ZFPM2: variants seen among roughly 807,000 people sequenced by gnomAD.
ZFPM2 encodes zinc finger protein, FOG family member 2, also known as zinc finger protein ZFPM2.
ZFPM2 carries 20 observed loss-of-function variants against 98.6 expected under a neutral mutation model. That is an observed-to-expected ratio of 0.20 (90% CI 0.14 to 0.29). The LOEUF (loss-of-function observed/expected upper bound fraction) is 0.29, where lower values mean the gene tolerates loss of function less well. Ranked by LOEUF, ZFPM2 falls within the 10% of genes least tolerant of loss-of-function variation. ZFPM2 has a pLI of 1.00. For missense variants in ZFPM2, 1,310 were observed against 1,388.6 expected (o/e 0.94, Z 0.90); for synonymous variants, 518 against 502.7 (o/e 1.03, Z -0.41).
At chr8:105,461,466 G>C (rs1812703722) in intron 3 of ZFPM2, among the ~76,000 whole-genome samples, 1 of 152,136 alleles carries the variant, frequency 6.6e-6, no homozygotes, top group East Asian at 1.9e-4. Flanking sequence ...TAGGCTCACT[G>C]ATAGTCATTT....
At chr8:105,483,589 C>CAAA (rs528417557) in intron 3 of ZFPM2, among the ~76,000 whole-genome samples, 1 of 109,112 alleles carries the variant, frequency 9.2e-6, no homozygotes, top group African/African-American at 3.3e-5. Flanking sequence ...GAGTCCATCT[C>CAAA]AAAAAAAAAA....
intron 5 of ZFPM2, among the ~76,000 whole-genome samples, chr8:105,663,299 A>C (rs1817427886): frequency 6.6e-6 from 1 of 152,202 alleles, no homozygotes; most frequent in African/African-American, 2.4e-5. Context: ...ATGAAAAATT[A>C]ACTTGTGATT....
intron 1 of ZFPM2, among the ~76,000 whole-genome samples, chr8:105,371,452 A>T (rs1810620462): frequency 2.0e-5 from 3 of 152,114 alleles, no homozygotes; most frequent in African/African-American, 7.2e-5. Flanking sequence ...AACAGAAGGG[A>T]TTTTAGGAAG....
At position 105,781,690 on chromosome 8, in the gene ZFPM2, CA is replaced by C. The variant is rs1813255400; in HGVS notation, c.533-7027del. On this transcript the variant is annotated intron_variant, in intron 5 of 7. Coordinates refer to ENST00000407775, the MANE Select transcript of ZFPM2 (RefSeq NM_012082.4). ...CTGAGCGGTGACTGCCACTGCACTC[CA>C]GCCTGGGTGACAGAGTGAGACCCTA... Among the ~76,000 whole-genome samples the C allele has an allele frequency of 2.0e-5, 3 of 152,088 alleles. No homozygotes were observed. The South Asian group carries it at 6.2e-4, about 32-fold the overall frequency.
chr8:105,746,654 AATT>A (rs375444917), intron 5 of ZFPM2, among the ~76,000 whole-genome samples: 38,870 of 111,566 alleles, frequency 0.35, 6,332 homozygotes, highest in African/African-American at 0.43. Context: ...TGTTTTTAAA[AATT>A]TTTTTTTTTT....
chr8:105,703,558 A>G (rs1194737989), intron 5 of ZFPM2, among the ~76,000 whole-genome samples: 1 of 152,086 alleles, frequency 6.6e-6, no homozygotes, highest in Non-Finnish European at 1.5e-5. Context: ...AATGGGCAGA[A>G]TCTCAGTGTT....
chr8:105,778,295 A>C (rs560443909), intron 5 of ZFPM2, among the ~76,000 whole-genome samples: 1 of 152,310 alleles, frequency 6.6e-6, no homozygotes, highest in East Asian at 1.9e-4. Context: ...TTAGCTTTTA[A>C]GGAATTTTTC....
At chr8:105,445,243 C>T (rs1812342235) in intron 3 of ZFPM2, among the ~76,000 whole-genome samples, 1 of 152,070 alleles carries the variant, frequency 6.6e-6, no homozygotes, top group Non-Finnish European at 1.5e-5. Flanking sequence ...CTGAAACCAG[C>T]AGCTGGAAAA....
chr8:105,714,103 T>C (rs1350658267), intron 5 of ZFPM2, among the ~76,000 whole-genome samples: 1 of 152,126 alleles, frequency 6.6e-6, no homozygotes, highest in African/African-American at 2.4e-5. Context: ...TGGAATGTTT[T>C]TCCATATGTT....
chr8:105,595,608 T>G (rs976936368), intron 4 of ZFPM2, among the ~76,000 whole-genome samples: 3 of 152,108 alleles, frequency 2.0e-5, no homozygotes, highest in Non-Finnish European at 4.4e-5. Flanking sequence ...AAGAAGTGTT[T>G]GGAGGAAACA....
chr8:105,406,961 G>A (rs534228531), intron 1 of ZFPM2, among the ~76,000 whole-genome samples: 137 of 152,018 alleles, frequency 9.0e-4, no homozygotes, highest in South Asian at 2.3e-3. Flanking sequence ...TGGCCTGACT[G>A]CAAGATAGAA....
chr8:105,499,905 G>A (rs570979791), intron 3 of ZFPM2, among the ~76,000 whole-genome samples: 2 of 152,230 alleles, frequency 1.3e-5, no homozygotes, highest in South Asian at 2.1e-4. Flanking sequence ...TCTTCAGAGC[G>A]ATCACATTCT....
chr8:105,604,031 C>T (rs1038951461), intron 4 of ZFPM2, among the ~76,000 whole-genome samples: 13 of 151,960 alleles, frequency 8.6e-5, no homozygotes, highest in Non-Finnish European at 1.8e-4. Flanking sequence ...AATCCCCGCC[C>T]GAATCTCTCA....
intron 3 of ZFPM2, among the ~76,000 whole-genome samples, chr8:105,502,012 A>G (rs1813606323): frequency 6.6e-6 from 1 of 152,138 alleles, no homozygotes; most frequent in African/African-American, 2.4e-5. Context: ...TATATAAAAT[A>G]AATATACATT....
chr8:105,546,619 A>G (rs1459981096), intron 3 of ZFPM2, among the ~76,000 whole-genome samples: 2 of 151,882 alleles, frequency 1.3e-5, no homozygotes, highest in African/African-American at 4.8e-5. Context: ...AACTTATAAC[A>G]TGTATTGAGT....
intron 1 of ZFPM2, among the ~76,000 whole-genome samples, chr8:105,380,626 CATATATATTAT>C (rs1162111275): frequency 0.073 from 1,647 of 22,710 alleles, 524 homozygotes; most frequent in Non-Finnish European, 0.11. Context: ...TTATATATAA[CATATATATTAT>C]ATATATATTA....
At chr8:105,458,737 A>G (rs1479111727) in intron 3 of ZFPM2, among the ~76,000 whole-genome samples, 2 of 152,178 alleles carry the variant, frequency 1.3e-5, no homozygotes, top group Non-Finnish European at 2.9e-5. Flanking sequence ...AAGAAAAGCA[A>G]GCCAAAAGAA....
chr8:105,791,822 A>G (rs963977284), intron 6 of ZFPM2, among the ~76,000 whole-genome samples: 9 of 151,724 alleles, frequency 5.9e-5, no homozygotes, highest in Admixed American at 5.3e-4. Flanking sequence ...GTCTTGGGAG[A>G]GTGTATGTGT....
chr8:105,644,526 C>G (rs1043868810), intron 5 of ZFPM2, among the ~76,000 whole-genome samples: 1 of 152,014 alleles, frequency 6.6e-6, no homozygotes, highest in African/African-American at 2.4e-5. Flanking sequence ...CTCTCTCTCT[C>G]TCCCTCGCTC....
Sources: allele counts gnomAD v4.1 joint callset (sites outside exome capture counted in the v4.1 genomes callset), GRCh38; gene constraint gnomAD v4.1.1; transcripts MANE v1.5; gene names NCBI Gene and HGNC (gene_info 2026-07-23, HGNC 2026-07-21).